The following SEMA5B variants were observed in gnomAD, a reference collection of about 807,000 sequenced individuals.
SEMA5B encodes semaphorin 5B.
In SEMA5B, 66 loss-of-function variants were observed where a neutral mutation model predicts 135.0. The observed-to-expected ratio is 0.49, with a 90% CI of 0.40 to 0.60. The LOEUF is 0.60. Among genes scored for constraint, SEMA5B ranks in the 20% least tolerant of loss-of-function variants. The pLI, the probability that SEMA5B is intolerant of heterozygous loss-of-function variation, is 0.00. For missense variants in SEMA5B, 1,501 were observed against 1,566.3 expected, an observed-to-expected ratio of 0.96 and a Z score of 0.70; for synonymous variants, 690 against 639.5, an observed-to-expected ratio of 1.08 and a Z score of -1.19.
At chr3:122,969,569 A>C (rs1941024033) in intron 1 of SEMA5B, among the ~76,000 whole-genome samples, 1 of 152,104 alleles carries the variant, frequency 6.6e-6, no homozygotes, top group African/African-American at 2.4e-5. Flanking sequence ...CAGTGTCTCC[A>C]ATGAGAGCTC....
At chr3:123,010,085 G>A (rs1325535770) in intron 1 of SEMA5B, among the ~76,000 whole-genome samples, 7 of 152,166 alleles carry the variant, frequency 4.6e-5, no homozygotes, top group Non-Finnish European at 5.9e-5. Context: ...TTGATGGTGG[G>A]GCCTGGAGGA....
At chr3:122,946,866 G>A (rs1939811116) in intron 3 of SEMA5B, among the ~76,000 whole-genome samples, 3 of 152,078 alleles carry the variant, frequency 2.0e-5, no homozygotes, top group Non-Finnish European at 4.4e-5. Context: ...AGGATGGGGC[G>A]AGAAGTCAGA....
At chr3:123,016,491 G>A (rs543493855) in intron 1 of SEMA5B, among the ~76,000 whole-genome samples, 3 of 152,302 alleles carry the variant, frequency 2.0e-5, no homozygotes, top group Admixed American at 2.0e-4. Flanking sequence ...TACGTAAATA[G>A]TTGTTATACT....
In SEMA5B at chr3:122,912,850, A is replaced by G; in HGVS notation, c.2718T>C (p.Ala906=). 6.3e-7 allele frequency: 1 copy of G among 1,582,552 alleles called. No individual in the cohort carries two copies. Among genetic ancestry groups the G allele is most frequent in the Non-Finnish European group, 8.6e-7 (1 of 1,162,582 alleles). ...AAEYQDCNPQ[A]CPVRGAWSCW... The stretch of plus-strand genomic sequence containing the variant: ...CCTTCCGTGCAGGGTTACCTGGGCA[A>G]GCCTGGGGGTTGCAGTCCTGGTACT... Residue 906 remains alanine (A), a synonymous_variant, in exon 18 of 23, where the codon GCT becomes GCC. Coordinates refer to ENST00000357599, the MANE Select transcript of SEMA5B (RefSeq NM_001031702.4).
At chr3:122,957,365 C>G (rs1013429092) in intron 2 of SEMA5B, among the ~76,000 whole-genome samples, 1 of 152,238 alleles carries the variant, frequency 6.6e-6, no homozygotes, top group Non-Finnish European at 1.5e-5. Flanking sequence ...CCCAGTCCAA[C>G]TGTGGGGCTT....
At chr3:123,001,381 C>G (rs1942171606) in intron 1 of SEMA5B, among the ~76,000 whole-genome samples, 1 of 152,150 alleles carries the variant, frequency 6.6e-6, no homozygotes, top group Admixed American at 6.5e-5. Context: ...GAACCACCCC[C>G]ACCCTGACCT....
chr3:122,922,176 C>T (rs1938389581), intron 11 of SEMA5B, 54 bp from the exon 12 acceptor site: 9 of 1,562,588 alleles, frequency 5.8e-6, no homozygotes, highest in Non-Finnish European at 7.8e-6. Context: ...CGGAAGCTTG[C>T]AGCCCCGCGC....
intron 1 of SEMA5B, chr3:123,027,037 G>C (rs1435888403): frequency 6.6e-6 from 1 of 152,436 alleles, no homozygotes; most frequent in South Asian, 2.1e-4. Context: ...GCGCCTCGCC[G>C]CCCGCACTCT....
At chr3:122,960,501 T>A (rs1940527774) in intron 2 of SEMA5B, among the ~76,000 whole-genome samples, 1 of 152,210 alleles carries the variant, frequency 6.6e-6, no homozygotes, top group Non-Finnish European at 1.5e-5. Flanking sequence ...AGAAGTAGGA[T>A]ATCGAAGAAA....
At chr3:122,943,651 C>T (rs577360785) in intron 3 of SEMA5B, 116 bp from the exon 4 acceptor site, 15 of 712,048 alleles carry the variant, frequency 2.1e-5, no homozygotes, top group South Asian at 7.1e-5. Context: ...CGGTGGCACC[C>T]GGGAGACCTG....
At position 122,929,043 on chromosome 3, in the gene SEMA5B, A is replaced by C. The variant is rs761965492; in HGVS notation, c.490T>G (p.Ser164Ala). The change falls in exon 6 of 23, where the codon TCC becomes GCC. Residue 164 changes from serine to alanine, a missense_variant. Ser to Ala is a moderately conservative substitution (Grantham distance 99). This residue lies in a region of SEMA5B where 574 missense variants were observed against 684.7 expected (regional missense o/e 0.84). Transcript: ENST00000357599. The part of the protein sequence containing the change: ...VSLLQATEWA[S>A]SEDTRRSCQS... Reference sequence around the variant, plus strand: ...CAGGAGCGGCGCGTGTCCTCACTGGAGGCCCACTCTGTGGCCTGGGGGAGG... The same window carrying C: ...CAGGAGCGGCGCGTGTCCTCACTGGCGGCCCACTCTGTGGCCTGGGGGAGG... 4.3e-6 allele frequency: 7 copies of C among 1,611,726 alleles called. No individual in the cohort carries two copies. The highest frequency in any genetic ancestry group is 5.1e-6 in the Non-Finnish European group (6 of 1,179,968).
chr3:123,013,830 G>A (rs1942491191), intron 1 of SEMA5B, among the ~76,000 whole-genome samples: 1 of 152,208 alleles, frequency 6.6e-6, no homozygotes, highest in Admixed American at 6.5e-5. Context: ...CAGGGAAGAG[G>A]GGAGCTGGAG....
At chr3:123,018,795 G>C (rs967163475) in intron 1 of SEMA5B, among the ~76,000 whole-genome samples, 1 of 152,142 alleles carries the variant, frequency 6.6e-6, no homozygotes, top group African/African-American at 2.4e-5. Flanking sequence ...ATGCCTCCCT[G>C]ACAGCCTTAT....
At chr3:122,967,597 C>G (rs190151433) in intron 1 of SEMA5B, among the ~76,000 whole-genome samples, 1 of 152,330 alleles carries the variant, frequency 6.6e-6, no homozygotes, top group African/African-American at 2.4e-5. Context: ...TATAGGAGCC[C>G]AGCCCCCACA....
At chr3:122,923,547 T>C in intron 10 of SEMA5B, 70 bp downstream of exon 10, 6 of 1,565,152 alleles carry the variant, frequency 3.8e-6, no homozygotes, top group Non-Finnish European at 5.3e-6. Flanking sequence ...CAGTTGGGAA[T>C]CAGCTTGTGG....
At chr3:123,002,995 C>T (rs114602201) in intron 1 of SEMA5B, among the ~76,000 whole-genome samples, 1 of 152,116 alleles carries the variant, frequency 6.6e-6, no homozygotes, top group Non-Finnish European at 1.5e-5. Context: ...ATATGTCTAT[C>T]ATCCCAGTGA....
chr3:122,924,510 C>T (rs904687339), intron 9 of SEMA5B, among the ~76,000 whole-genome samples: 1 of 152,132 alleles, frequency 6.6e-6, no homozygotes, highest in Non-Finnish European at 1.5e-5. Flanking sequence ...GAGTGGTGAG[C>T]GTTTCAAAAT....
Position 122,913,203 on chromosome 3 carries a change from G to C in SEMA5B, c.2502C>G (p.Thr834=). 3 of 1,562,086 alleles carry C rather than the reference G, an allele frequency of 1.9e-6. No individual in the cohort carries two copies. Among genetic ancestry groups the C allele is most frequent in the Non-Finnish European group, 2.6e-6 (3 of 1,163,896 alleles). Residue 834 remains threonine, a synonymous_variant, in exon 17 of 23, where the codon ACC becomes ACG. Transcript: ENST00000357599. ...CPADGSGSCD[T]DALVEVLLRS... ...GGGGCGCCGGGCGCGGGGTACCGTC[G>C]GTGTCGCAGGAGCCGGAGCCGTCCG...
At chr3:122,939,618 G>A in intron 4 of SEMA5B, 148 bp from the exon 5 acceptor site, 1 of 636,624 alleles carries the variant, frequency 1.6e-6, no homozygotes, top group Non-Finnish European at 2.8e-6. Flanking sequence ...ACCTCCATTT[G>A]CTCACTTAAT....
Sources: gnomAD v4.1 joint callset for allele counts (sites outside exome capture counted in the v4.1 genomes callset) on GRCh38, gnomAD v4.1.1 for gene constraint, gnomAD v4.1.1 regional missense constraint, MANE v1.5 for transcripts, NCBI Gene and HGNC (gene_info 2026-07-23, HGNC 2026-07-21) for gene names.